The following CGNL1 variants were observed in gnomAD, a reference collection of about 807,000 sequenced individuals.
The protein encoded by CGNL1 is cingulin-like protein 1.
CGNL1 carries 132 observed loss-of-function variants against 141.2 expected under a neutral mutation model. The observed-to-expected ratio is 0.93, with a 90% CI of 0.81 to 1.08. CGNL1 has a LOEUF of 1.08. Among genes scored for constraint, CGNL1 ranks in the 50% least tolerant of loss-of-function variants. The pLI, the probability that CGNL1 is intolerant of heterozygous loss-of-function variation, is 0.00. For missense variants in CGNL1, 1,870 were observed against 1,588.6 expected, an observed-to-expected ratio of 1.18 and a Z score of -3.01; for synonymous variants, 690 against 622.1, an observed-to-expected ratio of 1.11 and a Z score of -1.63.
chr15:57,481,219 A>G (rs1173383380), intron 8 of CGNL1, among the ~76,000 whole-genome samples: 1 of 152,096 alleles, frequency 6.6e-6, no homozygotes, highest in Admixed American at 6.6e-5. Flanking sequence ...CCCAAATGTA[A>G]TGTATTGCAA....
chr15:57,547,500 CG>C lies in CGNL1; in HGVS notation c.*13del, dbSNP rs1446820551. ...CGCCAGCCAGATCTGAGTGCTCTCCCGGGCTGTGGAAGTACCTGTCATTCCT... is the reference window on the plus strand; with the variant it reads ...CGCCAGCCAGATCTGAGTGCTCTCCCGGCTGTGGAAGTACCTGTCATTCCT... On this transcript the variant is annotated 3_prime_UTR_variant, in exon 19 of 19. Coordinates refer to ENST00000281282, the MANE Select transcript of CGNL1 (RefSeq NM_032866.5). The C allele has an allele frequency of 6.2e-7, 1 of 1,610,832 alleles. No homozygotes were observed. Among genetic ancestry groups the C allele is most frequent in the Non-Finnish European group, 8.5e-7 (1 of 1,178,588 alleles).
At chr15:57,422,875 C>G (rs1355998009) in intron 1 of CGNL1, among the ~76,000 whole-genome samples, 1 of 152,074 alleles carries the variant, frequency 6.6e-6, no homozygotes, top group Non-Finnish European at 1.5e-5. Context: ...AAATTTGGAA[C>G]TAGGAAGTTT....
rs1462952474 is a variant in CGNL1 at position 57,548,783 on chromosome 15, G to A, written c.*1293G>A. 6.6e-6 allele frequency: 1 copy of A among 152,192 alleles called. No homozygotes were observed. 9.4% of individuals were successfully genotyped at this position (152,192 alleles called of 1,614,324 possible). Reference sequence around the variant, plus strand: ...ATGGGGGAAAGGTTCATAGACTTAGGTGTGAGAATGAGGTGGGAGGTGTCT... The same window carrying A: ...ATGGGGGAAAGGTTCATAGACTTAGATGTGAGAATGAGGTGGGAGGTGTCT... On this transcript the variant is annotated 3_prime_UTR_variant, in exon 19 of 19. Coordinates refer to ENST00000281282, the MANE Select transcript of CGNL1 (RefSeq NM_032866.5).
chr15:57,438,520 G>A lies in CGNL1; in HGVS notation c.521G>A (p.Trp174Ter). 6.2e-7 allele frequency: 1 copy of A among 1,614,046 alleles called. No homozygotes were observed. The highest frequency in any genetic ancestry group is 8.5e-7 in the Non-Finnish European group (1 of 1,180,032). The change falls in exon 2 of 19, where the codon TGG becomes TAG. Residue 174 changes from tryptophan to a stop codon, truncating the protein, a stop_gained. Transcript: ENST00000281282. LOFTEE classifies it high-confidence loss of function. Reference sequence around the variant, plus strand: ...AATCACCAGCCTTCTGAGAGTAATTGGCTAAAAACGTTGACAGAAGAAGGC... The same window carrying A: ...AATCACCAGCCTTCTGAGAGTAATTAGCTAAAAACGTTGACAGAAGAAGGC... ...LQNHQPSESN[W>*]LKTLTEEGIN... is the part of the protein sequence containing the mutation.
chr15:57,506,664 C>A (rs1192433692), intron 8 of CGNL1, among the ~76,000 whole-genome samples: 1 of 152,124 alleles, frequency 6.6e-6, no homozygotes, highest in African/African-American at 2.4e-5. Context: ...AAACTGGTAG[C>A]AACTAGCAGA....
At chr15:57,470,914 G>A (rs955961912) in intron 8 of CGNL1, among the ~76,000 whole-genome samples, 1 of 152,198 alleles carries the variant, frequency 6.6e-6, no homozygotes, top group Non-Finnish European at 1.5e-5. Context: ...TGCTTTTTAT[G>A]TACCAAATAC....
At chr15:57,526,505 A>C (rs1172925113) in intron 12 of CGNL1, among the ~76,000 whole-genome samples, 1 of 152,038 alleles carries the variant, frequency 6.6e-6, no homozygotes, top group Non-Finnish European at 1.5e-5. Context: ...AAGCTACAGG[A>C]GTCCGTTCTA....
chr15:57,549,116 G>C lies in CGNL1; in HGVS notation c.*1626G>C, dbSNP rs1208093789. 1.3e-5 allele frequency: 2 copies of C among 152,280 alleles called. No homozygotes were observed. Among genetic ancestry groups the C allele is most frequent in the African/African-American group, 4.8e-5 (2 of 41,430 alleles). 9.4% of individuals were successfully genotyped at this position (152,280 alleles called of 1,614,324 possible). Reference sequence around the variant, plus strand: ...CACATGGCTGGAGAGGAATTTCAGGGAGCATAGCATCGGGAGGATGCTACA... The same window carrying C: ...CACATGGCTGGAGAGGAATTTCAGGCAGCATAGCATCGGGAGGATGCTACA... On this transcript the variant is annotated 3_prime_UTR_variant, in exon 19 of 19. Coordinates refer to ENST00000281282, the MANE Select transcript of CGNL1 (RefSeq NM_032866.5).
chr15:57,462,118 G>A (rs12441519), intron 8 of CGNL1, among the ~76,000 whole-genome samples: 111,257 of 152,104 alleles, frequency 0.73, 40,987 homozygotes, highest in African/African-American at 0.82. Flanking sequence ...GTTAAATCCT[G>A]TTGCAGAGGG....
At chr15:57,520,583 A>G (rs548720492) in intron 10 of CGNL1, among the ~76,000 whole-genome samples, 1 of 152,308 alleles carries the variant, frequency 6.6e-6, no homozygotes, top group East Asian at 1.9e-4. Flanking sequence ...GTCTAGGGCT[A>G]CTGGAACTGC....
Position 57,439,970 on chromosome 15 carries a change from T to C in CGNL1, c.1602+369T>C, listed in dbSNP as rs888253948. ...TGTGTAGGTATATTAATTTTCCTCATAAAATTGAGTGACTGGGTTAATTTC... is the reference window on the plus strand; with the variant it reads ...TGTGTAGGTATATTAATTTTCCTCACAAAATTGAGTGACTGGGTTAATTTC... On this transcript the variant is annotated intron_variant, in intron 2 of 18. Coordinates refer to ENST00000281282, the MANE Select transcript of CGNL1 (RefSeq NM_032866.5). Among the ~76,000 whole-genome samples the C allele has an allele frequency of 2.6e-4, 39 of 152,324 alleles. 1 individual carries two copies. Among genetic ancestry groups the C allele is most frequent in the Middle Eastern group, 3.4e-3 (1 of 294 alleles).
chr15:57,404,616 G>A (rs1036848996), intron 1 of CGNL1, among the ~76,000 whole-genome samples: 1 of 152,086 alleles, frequency 6.6e-6, no homozygotes, highest in Non-Finnish European at 1.5e-5. Flanking sequence ...AGAGCCCTGA[G>A]GCAACCTTTA....
chr15:57,407,820 C>A (rs1449061357), intron 1 of CGNL1, among the ~76,000 whole-genome samples: 1 of 149,512 alleles, frequency 6.7e-6, no homozygotes, highest in African/African-American at 2.5e-5. Flanking sequence ...ATGATCTCGG[C>A]TCACTGCAAC....
chr15:57,543,548 G>A (rs2032679803), intron 14 of CGNL1, 148 bp from the exon 15 acceptor site: 11 of 659,658 alleles, frequency 1.7e-5, no homozygotes, highest in South Asian at 7.0e-5. Flanking sequence ...AACAGATCCC[G>A]TACCCCAGAG....
intron 8 of CGNL1, among the ~76,000 whole-genome samples, chr15:57,468,383 G>C (rs1422115728): frequency 2.0e-5 from 3 of 151,584 alleles, no homozygotes; most frequent in Non-Finnish European, 4.4e-5. Flanking sequence ...TAGGACTACA[G>C]CTGCACGCCA....
At chr15:57,496,216 A>G (rs1468455307) in intron 8 of CGNL1, among the ~76,000 whole-genome samples, 1 of 152,216 alleles carries the variant, frequency 6.6e-6, no homozygotes, top group African/African-American at 2.4e-5. Flanking sequence ...CCTTAAAACC[A>G]AAACGTGACT....
chr15:57,466,146 A>G lies in CGNL1; in HGVS notation c.2403+4254A>G, dbSNP rs370302233. Among the ~76,000 whole-genome samples, 6 of 152,350 alleles carry G rather than the reference A, an allele frequency of 3.9e-5. No homozygotes were observed. In the South Asian group the frequency reaches 8.3e-4, roughly 21 times the overall value. ...GATCTTCGTAGTCTGTTAGGAGAGT[A>G]TATCTACCAAACATTCTTTTAAAGG... On this transcript the variant is annotated intron_variant, in intron 8 of 18. Transcript: ENST00000281282.
chr15:57,544,379 C>A, intron 15 of CGNL1, 94 bp from the exon 16 acceptor site: 5 of 1,473,936 alleles, frequency 3.4e-6, no homozygotes, highest in Non-Finnish European at 4.6e-6. Context: ...TCGCATGCAG[C>A]GACCAAACAC....
At chr15:57,541,417 C>T (rs557651864) in intron 14 of CGNL1, among the ~76,000 whole-genome samples, 7 of 152,308 alleles carry the variant, frequency 4.6e-5, no homozygotes, top group South Asian at 4.1e-4. Flanking sequence ...GGAGCAGGGC[C>T]GTGAGCCTGC....
Sources: allele counts gnomAD v4.1 joint callset (sites outside exome capture counted in the v4.1 genomes callset), GRCh38; gene constraint gnomAD v4.1.1; transcripts MANE v1.5; gene names NCBI Gene and HGNC (gene_info 2026-07-23, HGNC 2026-07-21).